Variants in TCP11L2 observed in about 807,000 individuals in gnomAD.
The protein encoded by TCP11L2 is t-complex 11 like 2.
A neutral mutation model predicts 50.7 loss-of-function variants in TCP11L2; 39 were observed. The observed-to-expected ratio is 0.77, with a 90% confidence interval of 0.60 to 1.01. The LOEUF (loss-of-function observed/expected upper bound fraction) is 1.01. Ranked by LOEUF, TCP11L2 falls within the 50% of genes least tolerant of loss-of-function variation. The probability of loss-of-function intolerance (pLI) is 0.00; values close to 1 mark genes in which losing one functional copy is unlikely to be tolerated. For missense variants in TCP11L2, 612 were observed against 614.7 expected (o/e 1.00, Z 0.05); for synonymous variants, 192 against 219.3 (o/e 0.88, Z 1.10).
rs117800101 is a variant in TCP11L2 at position 106,316,542 on chromosome 12, T to G, written c.294-1802T>G. Among the ~76,000 whole-genome samples, 1,067 of 152,206 alleles carry G rather than the reference T, an allele frequency of 7.0e-3. 10 individuals are homozygous for G. Among genetic ancestry groups the G allele is most frequent in the Non-Finnish European group, 0.011 (735 of 68,012 alleles). ...AATGTTCTTTTCCCAGACCTTCACA[T>G]GGCTCTTTGCTCTCCCCTTCTGAGT... On this transcript the variant is annotated intron_variant, in intron 3 of 9. Coordinates refer to ENST00000299045, the MANE Select transcript of TCP11L2 (RefSeq NM_152772.3).
chr12:106,341,963 T>G (rs1386534563), intron 9 of TCP11L2, among the ~76,000 whole-genome samples: 1 of 152,106 alleles, frequency 6.6e-6, no homozygotes, highest in Admixed American at 6.5e-5. Context: ...AAGAGTCAGT[T>G]TTCTCTGTAA....
At chr12:106,329,600 T>C in intron 6 of TCP11L2, 1 of 1,350,988 alleles carries the variant, frequency 7.4e-7, no homozygotes, top group Non-Finnish European at 9.5e-7. Context: ...CCATGAACTC[T>C]TTTTTTCCTT....
intron 1 of TCP11L2, among the ~76,000 whole-genome samples, chr12:106,304,431 A>G (rs1000559762): frequency 4.6e-5 from 7 of 152,364 alleles, no homozygotes; most frequent in South Asian, 2.1e-4. Context: ...GATGAATGGT[A>G]TGGGCCCCTA....
At chr12:106,322,759 A>G (rs901759768) in intron 5 of TCP11L2, among the ~76,000 whole-genome samples, 5 of 152,214 alleles carry the variant, frequency 3.3e-5, no homozygotes, top group Admixed American at 2.6e-4. Context: ...TGGGCAGGTT[A>G]ATAGACTCTC....
chr12:106,336,547 ATT>A (rs11449901), intron 8 of TCP11L2, among the ~76,000 whole-genome samples: 22,783 of 101,466 alleles, frequency 0.22, 1,728 homozygotes, highest in East Asian at 0.57. Flanking sequence ...GAATTGCGCA[ATT>A]TTTTTTTTTT....
At chr12:106,308,662 T>G (rs924377730) in intron 1 of TCP11L2, among the ~76,000 whole-genome samples, 1 of 152,130 alleles carries the variant, frequency 6.6e-6, no homozygotes. Flanking sequence ...GAAACAAACT[T>G]TAAGATATTC....
rs11449901 is a variant in TCP11L2 at position 106,336,547 on chromosome 12, A to ATT, written c.1142+357_1142+358dup. ...CAAGCTTGATGTTTAGAATTGCGCAATTTTTTTTTTTTTTTTTTTTTTTTG... is the reference window on the plus strand; with the variant it reads ...CAAGCTTGATGTTTAGAATTGCGCAATTTTTTTTTTTTTTTTTTTTTTTTTTG... On this transcript the variant is annotated intron_variant, in intron 8 of 9. Transcript: ENST00000299045. Among the ~76,000 whole-genome samples the ATT allele has an allele frequency of 6.9e-3, 702 of 102,114 alleles. 8 individuals carry two copies. The highest frequency in any genetic ancestry group is 0.011 in the Middle Eastern group (2 of 186). The allele number at this position is 102,114 out of a possible 152,430, so 67.0% of individuals were successfully genotyped here.
At chr12:106,329,461 A>C in intron 6 of TCP11L2, 1 of 1,527,868 alleles carries the variant, frequency 6.5e-7, no homozygotes, top group Non-Finnish European at 8.7e-7. Flanking sequence ...TTCACTCTAA[A>C]CGCATGCTCC....
At chr12:106,342,049 G>A (rs2036106949) in intron 9 of TCP11L2, among the ~76,000 whole-genome samples, 1 of 152,198 alleles carries the variant, frequency 6.6e-6, no homozygotes, top group Non-Finnish European at 1.5e-5. Context: ...AAGGGGAGAA[G>A]CTGCCGTGTG....
intron 8 of TCP11L2, among the ~76,000 whole-genome samples, chr12:106,339,129 A>G (rs1439167036): frequency 6.6e-6 from 1 of 152,172 alleles, no homozygotes; most frequent in Non-Finnish European, 1.5e-5. Flanking sequence ...TGGGTGACGG[A>G]GTGAGACTCC....
intron 3 of TCP11L2, among the ~76,000 whole-genome samples, chr12:106,316,161 G>A (rs935390354): frequency 1.3e-5 from 2 of 152,152 alleles, no homozygotes; most frequent in African/African-American, 4.8e-5. Context: ...TACAGCCCTA[G>A]GCTAGGCCAC....
chr12:106,313,185 C>G (rs972415256), intron 2 of TCP11L2, among the ~76,000 whole-genome samples: 4 of 152,142 alleles, frequency 2.6e-5, no homozygotes, highest in Non-Finnish European at 5.9e-5. Context: ...CAGGCCAACC[C>G]TGTGAGGAGG....
intron 6 of TCP11L2, chr12:106,329,341 G>A (rs2035666650): frequency 6.5e-7 from 1 of 1,536,122 alleles, no homozygotes; most frequent in Non-Finnish European, 8.7e-7. Flanking sequence ...AAAAGCCGAG[G>A]TTGCAGGTGC....
chr12:106,344,165 G>GA (rs1007713666), intron 9 of TCP11L2, among the ~76,000 whole-genome samples: 9 of 151,414 alleles, frequency 5.9e-5, no homozygotes, highest in South Asian at 4.2e-4. Context: ...TATAAAAAAA[G>GA]AAAAAAAATA....
intron 4 of TCP11L2, among the ~76,000 whole-genome samples, chr12:106,319,473 G>T (rs1181195452): frequency 6.6e-6 from 1 of 152,176 alleles, no homozygotes; most frequent in Non-Finnish European, 1.5e-5. Flanking sequence ...GCACCTCCTG[G>T]AGTAGCGTGA....
intron 6 of TCP11L2, among the ~76,000 whole-genome samples, chr12:106,327,537 T>C (rs2035598905): frequency 6.6e-6 from 1 of 152,174 alleles, no homozygotes; most frequent in Non-Finnish European, 1.5e-5. Flanking sequence ...AACTTTTCTA[T>C]TGACTTGGAT....
At chr12:106,345,784 C>A (rs2036212315) in intron 9 of TCP11L2, among the ~76,000 whole-genome samples, 1 of 152,172 alleles carries the variant, frequency 6.6e-6, no homozygotes, top group Non-Finnish European at 1.5e-5. Context: ...TTGCTGAACT[C>A]ACTAATGTAT....
intron 6 of TCP11L2, chr12:106,325,089 T>A (rs2035489486): frequency 6.6e-6 from 1 of 152,250 alleles, no homozygotes; most frequent in South Asian, 2.1e-4. Context: ...GTACTTTACC[T>A]GTACAAACTA....
Position 106,346,584 on chromosome 12 carries a change from C to A in TCP11L2, c.*54C>A. ...GAAATCCAGTACTTTGGTATCCAGT[C>A]CACTTCCATTGATGGCATTAGAGAT... On this transcript the variant is annotated 3_prime_UTR_variant, in exon 10 of 10. Coordinates refer to ENST00000299045, the MANE Select transcript of TCP11L2 (RefSeq NM_152772.3). 6.4e-7 allele frequency: 1 copy of A among 1,563,456 alleles called. No individual in the cohort carries two copies. The highest frequency in any genetic ancestry group is 8.6e-7 in the Non-Finnish European group (1 of 1,159,016).
Sources: allele counts gnomAD v4.1 joint callset (sites outside exome capture counted in the v4.1 genomes callset), GRCh38; gene constraint gnomAD v4.1.1; transcripts MANE v1.5; gene names NCBI Gene and HGNC (gene_info 2026-07-23, HGNC 2026-07-21).